The following ZNF493 variants were observed in gnomAD, a reference collection of about 807,000 sequenced individuals.
ZNF493 encodes zinc finger protein 493.
ZNF493 carries 11 observed loss-of-function variants against 12.2 expected under a neutral mutation model. The ratio of observed to expected loss-of-function variants is 0.90; its 90% CI spans 0.57 to 1.50. The LOEUF (loss-of-function observed/expected upper bound fraction) is 1.50, where lower values mean the gene tolerates loss of function less well. Among genes scored for constraint, ZNF493 ranks in the 40% most tolerant of loss-of-function variants. ZNF493 has a pLI of 0.00. For missense variants in ZNF493, 950 were observed against 906.6 expected (o/e 1.05, Z -0.61); for synonymous variants, 286 against 302.6 (o/e 0.95, Z 0.57).
intron 3 of ZNF493, among the ~76,000 whole-genome samples, chr19:21,419,044 C>T (rs1055824561): frequency 6.6e-6 from 1 of 152,184 alleles, no homozygotes; most frequent in African/African-American, 2.4e-5. Context: ...TTGCTGAGTT[C>T]TCTGAGTAAT....
At position 21,424,536 on chromosome 19, in the gene ZNF493, A is replaced by G. The variant is rs747288916; in HGVS notation, c.1877A>G (p.Glu626Gly). The change falls in exon 4 of 4, where the codon GAA becomes GGA. Residue 626 changes from glutamate (E) to glycine (G), a missense_variant. Glu to Gly is a moderately conservative substitution (Grantham distance 98). Transcript: ENST00000392288. ...LSIHKKIHTG[E>G]KPYKCEECGK... is the part of the protein sequence containing the mutation. ...ATACATAAGAAAATTCATACTGGAG[A>G]AAAACCCTACAAATGTGAAGAATGT... is the stretch of plus-strand genomic sequence containing the variant. 4.3e-6 allele frequency: 7 copies of G among 1,611,754 alleles called. No individual in the cohort carries two copies. In the South Asian group the frequency reaches 5.5e-5, roughly 13 times the overall value.
rs887796358 is a variant in ZNF493, at chr19:21,407,826, T to G, written c.253+1970T>G. 4.1e-6 allele frequency: 4 copies of G among 985,318 alleles called. No individual in the cohort carries two copies. The African/African-American group carries it at 7.0e-5, about 17-fold the overall frequency. The allele number at this position is 985,318 out of a possible 1,614,324, so 61.0% of individuals were successfully genotyped here. A position where few individuals can be genotyped will look rare whatever the true frequency, so the allele number is the denominator to read the frequency against. ...TTTAAAAAGAATTCTTTTTTCATTA[T>G]TCTGCCACATGCTTCCAGTGCTATG... is the stretch of plus-strand genomic sequence containing the variant. On this transcript the variant is annotated intron_variant, in intron 3 of 3. Coordinates refer to ENST00000392288, the MANE Select transcript of ZNF493 (RefSeq NM_001076678.3).
Sources: gnomAD v4.1 joint callset for allele counts (sites outside exome capture counted in the v4.1 genomes callset) on GRCh38, gnomAD v4.1.1 for gene constraint, MANE v1.5 for transcripts, NCBI Gene and HGNC (gene_info 2026-07-23, HGNC 2026-07-21) for gene names.